Variants in CTNNA2 observed in about 807,000 individuals in gnomAD.
CTNNA2 encodes the protein catenin alpha 2, also known as catenin alpha-2.
In CTNNA2, 42 loss-of-function variants were observed where a neutral mutation model predicts 101.0. The observed-to-expected ratio is 0.42, with a 90% confidence interval of 0.32 to 0.54. The LOEUF is 0.54. Ranked by LOEUF, CTNNA2 falls within the 20% of genes least tolerant of loss-of-function variation. The pLI, the probability that CTNNA2 is intolerant of heterozygous loss-of-function variation, is 0.14. For missense variants in CTNNA2, 871 were observed against 1,223.1 expected, an observed-to-expected ratio of 0.71 and a Z score of 4.29; for synonymous variants, 450 against 456.4, an observed-to-expected ratio of 0.99 and a Z score of 0.18.
intron 2 of CTNNA2, among the ~76,000 whole-genome samples, chr2:79,728,012 A>G (rs946193618): frequency 4.6e-5 from 7 of 151,980 alleles, no homozygotes; most frequent in African/African-American, 1.7e-4. Flanking sequence ...AGTCTTTGCT[A>G]TTGTGAATAG....
At chr2:80,623,315 A>T (rs1671335933) in intron 18 of CTNNA2, among the ~76,000 whole-genome samples, 1 of 151,626 alleles carries the variant, frequency 6.6e-6, no homozygotes, top group South Asian at 2.1e-4. Context: ...TAATCATTTT[A>T]AAAGACATAT....
At chr2:79,622,322 G>A (rs889590196) in intron 1 of CTNNA2, among the ~76,000 whole-genome samples, 8 of 152,014 alleles carry the variant, frequency 5.3e-5, no homozygotes, top group Admixed American at 6.6e-5. Context: ...CCTTTTACAT[G>A]GTGCTGAAAA....
intron 2 of CTNNA2, among the ~76,000 whole-genome samples, chr2:79,257,593 A>G (rs1039146617): frequency 6.6e-6 from 1 of 152,216 alleles, no homozygotes; most frequent in Admixed American, 6.5e-5. Flanking sequence ...AAAGAAAAAA[A>G]AGAAGAAAGT....
intron 2 of CTNNA2, among the ~76,000 whole-genome samples, chr2:79,658,917 A>C (rs1209533403): frequency 6.6e-6 from 1 of 152,074 alleles, no homozygotes; most frequent in Admixed American, 6.6e-5. Flanking sequence ...TTTACTCCAA[A>C]ATTTAATAAT....
intron 7 of CTNNA2, among the ~76,000 whole-genome samples, chr2:80,236,725 G>A (rs2587148): frequency 0.65 from 99,325 of 152,060 alleles, 33,360 homozygotes; most frequent in African/African-American, 0.81. Flanking sequence ...TATCTGTCAA[G>A]GAGCCTTATG....
chr2:79,463,416 A>C (rs980895330), intron 4 of CTNNA2, among the ~76,000 whole-genome samples: 16 of 149,312 alleles, frequency 1.1e-4, no homozygotes, highest in Non-Finnish European at 2.2e-4. Flanking sequence ...AAAAAAAAAG[A>C]AAGTCCTGCT....
intron 14 of CTNNA2, among the ~76,000 whole-genome samples, chr2:80,582,197 T>A (rs2149719805): frequency 6.6e-6 from 1 of 152,274 alleles, no homozygotes; most frequent in African/African-American, 2.4e-5. Flanking sequence ...TCCAAGCTTG[T>A]CAACACAAGA....
chr2:80,077,467 G>A (rs7570633), intron 7 of CTNNA2, among the ~76,000 whole-genome samples: 3,081 of 151,868 alleles, frequency 0.02, 112 homozygotes, highest in African/African-American at 0.069. Context: ...AACAACTAGC[G>A]GTTAGGCGTG....
intron 4 of CTNNA2, among the ~76,000 whole-genome samples, chr2:79,452,967 CT>C (rs1670773754): frequency 6.6e-6 from 1 of 152,076 alleles, no homozygotes; most frequent in African/African-American, 2.4e-5. Flanking sequence ...GCCTACCATC[CT>C]CTGCCATATC....
intron 2 of CTNNA2, among the ~76,000 whole-genome samples, chr2:79,652,878 A>T (rs1472837696): frequency 6.6e-6 from 1 of 152,134 alleles, no homozygotes; most frequent in Non-Finnish European, 1.5e-5. Context: ...TCAAAATATC[A>T]TCTAAATTTC....
At chr2:79,277,206 A>G (rs2104319809) in intron 2 of CTNNA2, among the ~76,000 whole-genome samples, 1 of 152,262 alleles carries the variant, frequency 6.6e-6, no homozygotes, top group South Asian at 2.1e-4. Context: ...GCCCAGAGAG[A>G]TGTCAAGCGG....
intron 6 of CTNNA2, among the ~76,000 whole-genome samples, chr2:79,878,426 C>T (rs1683184159): frequency 6.6e-6 from 1 of 152,160 alleles, no homozygotes; most frequent in Non-Finnish European, 1.5e-5. Flanking sequence ...AATTTACATT[C>T]CCACCAACAG....
intron 2 of CTNNA2, among the ~76,000 whole-genome samples, chr2:79,664,690 A>G (rs1038899611): frequency 2.6e-4 from 38 of 146,506 alleles, no homozygotes; most frequent in Non-Finnish European, 5.2e-4. Context: ...TAAATTCTGG[A>G]GAATTCACAT....
chr2:80,346,983 C>T (rs1672794206), intron 7 of CTNNA2, among the ~76,000 whole-genome samples: 1 of 152,200 alleles, frequency 6.6e-6, no homozygotes, highest in Non-Finnish European at 1.5e-5. Flanking sequence ...CATGCTTCCG[C>T]TAGAAAGGTT....
At chr2:80,051,006 G>A (rs142505878) in intron 7 of CTNNA2, among the ~76,000 whole-genome samples, 4 of 152,170 alleles carry the variant, frequency 2.6e-5, no homozygotes, top group Non-Finnish European at 4.4e-5. Context: ...GATTACAGGC[G>A]TGAGCCATGA....
intron 4 of CTNNA2, among the ~76,000 whole-genome samples, chr2:79,417,900 T>C (rs557158327): frequency 9.2e-5 from 14 of 152,106 alleles, no homozygotes; most frequent in Non-Finnish European, 2.1e-4. Context: ...GGCCATGGCA[T>C]TGCAGTAAAG....
intron 4 of CTNNA2, among the ~76,000 whole-genome samples, chr2:79,397,547 C>T (rs540377499): frequency 3.9e-5 from 6 of 152,292 alleles, no homozygotes; most frequent in African/African-American, 1.2e-4. Flanking sequence ...GAGCATTCCT[C>T]AAGATTCATT....
chr2:79,573,466 A>C (rs1675591637), intron 1 of CTNNA2, among the ~76,000 whole-genome samples: 1 of 152,214 alleles, frequency 6.6e-6, no homozygotes, highest in African/African-American at 2.4e-5. Context: ...GTAAGTTACA[A>C]TTTGACTCAA....
intron 17 of CTNNA2, among the ~76,000 whole-genome samples, chr2:80,609,295 C>T (rs913696091): frequency 5.3e-5 from 8 of 151,714 alleles, no homozygotes; most frequent in Non-Finnish European, 7.4e-5. Context: ...GGTAAAAACA[C>T]GTGAACAAAT....
Sources: allele counts gnomAD v4.1 joint callset (sites outside exome capture counted in the v4.1 genomes callset), GRCh38; gene constraint gnomAD v4.1.1; transcripts MANE v1.5; gene names NCBI Gene and HGNC (gene_info 2026-07-23, HGNC 2026-07-21).